SGCZ: variants seen among roughly 807,000 people sequenced by gnomAD.
The protein encoded by SGCZ is zeta-sarcoglycan.
In SGCZ, 40 loss-of-function variants were observed where a neutral mutation model predicts 41.3. That is an observed-to-expected ratio of 0.97 (90% CI 0.75 to 1.26). The LOEUF is 1.26. Ranked by LOEUF, SGCZ falls within the 50% of genes most tolerant of loss-of-function variation. SGCZ has a pLI of 0.00. For missense variants in SGCZ, 552 were observed against 369.8 expected, an observed-to-expected ratio of 1.49 and a Z score of -4.04; for synonymous variants, 206 against 137.5, an observed-to-expected ratio of 1.50 and a Z score of -3.49.
chr8:14,404,654 G>A (rs1339533171), intron 2 of SGCZ, among the ~76,000 whole-genome samples: 1 of 152,158 alleles, frequency 6.6e-6, no homozygotes, highest in Non-Finnish European at 1.5e-5. Flanking sequence ...ATAAAAGGAA[G>A]TCAAGATTCT....
chr8:14,794,863 T>C (rs991119231), intron 1 of SGCZ, among the ~76,000 whole-genome samples: 2 of 152,196 alleles, frequency 1.3e-5, no homozygotes, highest in African/African-American at 4.8e-5. Context: ...ACAGCATCTC[T>C]ACTATTGAGT....
intron 2 of SGCZ, among the ~76,000 whole-genome samples, chr8:14,466,354 C>G (rs916362153): frequency 6.6e-6 from 1 of 151,930 alleles, no homozygotes; most frequent in Admixed American, 6.6e-5. Flanking sequence ...TATTGAGCAT[C>G]CTTTGCATGT....
intron 1 of SGCZ, among the ~76,000 whole-genome samples, chr8:14,761,632 G>T (rs930026100): frequency 6.6e-6 from 1 of 150,644 alleles, no homozygotes; most frequent in Non-Finnish European, 1.5e-5. Flanking sequence ...TCCCGGATTC[G>T]AACAATTCAG....
chr8:14,304,138 C>T (rs1188495923), intron 3 of SGCZ, among the ~76,000 whole-genome samples: 3 of 152,014 alleles, frequency 2.0e-5, no homozygotes, highest in African/African-American at 4.8e-5. Context: ...TTCAGCATTC[C>T]TATTTTCAAA....
rs534294458 is a variant in SGCZ at position 14,496,679 on chromosome 8, A to C, written c.234+58053T>G. On this transcript the variant is annotated intron_variant, in intron 2 of 7. Transcript: ENST00000382080. ...GACATTATCATTATTGTTTCCTAGA[A>C]GTTTCTCTCTGGTTTTACTTATTTA... Among the ~76,000 whole-genome samples, 22 of 152,104 alleles carry C rather than the reference A, an allele frequency of 1.4e-4. 1 individual carries two copies. Among genetic ancestry groups the C allele is most frequent in the African/African-American group, 5.1e-4 (21 of 41,504 alleles).
At chr8:15,149,943 T>A (rs886213778) in intron 1 of SGCZ, among the ~76,000 whole-genome samples, 1 of 151,986 alleles carries the variant, frequency 6.6e-6, no homozygotes, top group African/African-American at 2.4e-5. Flanking sequence ...TGCCAAGGAG[T>A]ACAGTGTAGT....
intron 2 of SGCZ, among the ~76,000 whole-genome samples, chr8:14,522,418 T>G (rs1374510635): frequency 6.6e-6 from 1 of 152,010 alleles, no homozygotes; most frequent in Non-Finnish European, 1.5e-5. Flanking sequence ...TCAATTTCCT[T>G]ACGGCTCTTC....
intron 2 of SGCZ, among the ~76,000 whole-genome samples, chr8:14,373,729 T>A (rs147078826): frequency 0.02 from 3,016 of 152,168 alleles, 79 homozygotes; most frequent in African/African-American, 0.056. Context: ...ACAAAAGGCA[T>A]AAAGAAAGAT....
chr8:14,724,497 T>C (rs1270969168), intron 1 of SGCZ, among the ~76,000 whole-genome samples: 1 of 151,802 alleles, frequency 6.6e-6, no homozygotes, highest in Non-Finnish European at 1.5e-5. Context: ...AAGCATAAAA[T>C]AGACATGAAA....
chr8:14,592,657 T>C (rs1036852092), intron 1 of SGCZ, among the ~76,000 whole-genome samples: 8 of 152,174 alleles, frequency 5.3e-5, no homozygotes, highest in African/African-American at 2.4e-5. Context: ...ATCAGATTAA[T>C]AGTAATAAAA....
At chr8:14,193,364 T>A (rs956348323) in intron 4 of SGCZ, among the ~76,000 whole-genome samples, 2 of 151,854 alleles carry the variant, frequency 1.3e-5, no homozygotes, top group African/African-American at 4.8e-5. Context: ...GACCATTGTT[T>A]TTCATGTAAC....
chr8:14,430,663 C>G (rs940858419), intron 2 of SGCZ, among the ~76,000 whole-genome samples: 3 of 152,098 alleles, frequency 2.0e-5, no homozygotes, highest in African/African-American at 7.2e-5. Context: ...CTCGCCACTC[C>G]TCTTCAACAC....
chr8:14,308,476 C>T (rs1801417663), intron 3 of SGCZ, among the ~76,000 whole-genome samples: 1 of 151,914 alleles, frequency 6.6e-6, no homozygotes, highest in Non-Finnish European at 1.5e-5. Context: ...TGGTCAAAGG[C>T]AGGGTTCAAG....
chr8:14,873,300 C>T (rs575681658), intron 1 of SGCZ, among the ~76,000 whole-genome samples: 139 of 152,212 alleles, frequency 9.1e-4, no homozygotes, highest in African/African-American at 2.4e-3. Context: ...TTATTCATTG[C>T]ATGTGTTGGT....
At chr8:14,428,482 T>C (rs1303939639) in intron 2 of SGCZ, among the ~76,000 whole-genome samples, 1 of 152,182 alleles carries the variant, frequency 6.6e-6, no homozygotes, top group Non-Finnish European at 1.5e-5. Context: ...ATATTATTTT[T>C]AAATGTGAAA....
chr8:14,468,504 T>C (rs868791044), intron 2 of SGCZ, among the ~76,000 whole-genome samples: 1 of 152,238 alleles, frequency 6.6e-6, no homozygotes, highest in Middle Eastern at 3.4e-3. Context: ...ATGTCTGATC[T>C]TATCTTCTAG....
chr8:14,941,081 G>C (rs1334640634), intron 1 of SGCZ, among the ~76,000 whole-genome samples: 1 of 151,918 alleles, frequency 6.6e-6, no homozygotes, highest in African/African-American at 2.4e-5. Context: ...CTAGCATTAG[G>C]CAAAGTTTAA....
At chr8:15,076,898 A>T (rs1033853012) in intron 1 of SGCZ, among the ~76,000 whole-genome samples, 1 of 152,120 alleles carries the variant, frequency 6.6e-6, no homozygotes, top group African/African-American at 2.4e-5. Context: ...AACAAATACC[A>T]TTTTGGCAAA....
At chr8:14,228,993 T>C (rs536381005) in intron 4 of SGCZ, among the ~76,000 whole-genome samples, 3 of 152,178 alleles carry the variant, frequency 2.0e-5, no homozygotes, top group African/African-American at 7.2e-5. Context: ...GCTGGCTTTG[T>C]AGAACTGCAG....
Sources: gnomAD v4.1 joint callset for allele counts (sites outside exome capture counted in the v4.1 genomes callset) on GRCh38, gnomAD v4.1.1 for gene constraint, MANE v1.5 for transcripts, NCBI Gene and HGNC (gene_info 2026-07-23, HGNC 2026-07-21) for gene names.